Variants in NCAPD3 observed in about 807,000 individuals in gnomAD.
NCAPD3 encodes condensin-2 complex subunit D3.
A neutral mutation model predicts 182.9 loss-of-function variants in NCAPD3; 105 were observed. That is an observed-to-expected ratio of 0.57 (90% CI 0.49 to 0.68). The LOEUF (loss-of-function observed/expected upper bound fraction) is 0.68. NCAPD3 is among the 30% of genes least tolerant of loss of function. The pLI is 0.00. For synonymous variants in NCAPD3, 815 were observed against 679.9 expected, an observed-to-expected ratio of 1.20 and a Z score of -3.09; for missense variants, 1,944 against 1,837.0, an observed-to-expected ratio of 1.06 and a Z score of -1.07.
At chr11:134,177,002 A>T (rs1378197328) in intron 23 of NCAPD3, among the ~76,000 whole-genome samples, 1 of 152,252 alleles carries the variant, frequency 6.6e-6, no homozygotes, top group Non-Finnish European at 1.5e-5. Flanking sequence ...TCACTGCTTG[A>T]CAGGATGTCT....
At chr11:134,208,752 G>A in intron 7 of NCAPD3, 112 bp downstream of exon 7, 1 of 710,364 alleles carries the variant, frequency 1.4e-6, no homozygotes, top group Non-Finnish European at 2.4e-6. Flanking sequence ...TCATGAAAAT[G>A]AGCTAGTAAA....
At chr11:134,224,011 ATCACAACGTACAGAATT>A, upstream of NCAPD3, 1 of 1,505,400 alleles carries the variant, frequency 6.6e-7, no homozygotes, top group African/African-American at 1.4e-5. Flanking sequence ...CTGTGGACCA[ATCACAACGTACAGAATT>A]TCCCACTGGC....
chr11:134,201,909 AC>A (rs557946809), intron 13 of NCAPD3, among the ~76,000 whole-genome samples: 39 of 152,332 alleles, frequency 2.6e-4, no homozygotes, highest in African/African-American at 8.9e-4. Flanking sequence ...TTTCACGCTG[AC>A]CTTCTAGGCT....
chr11:134,153,277 C>A lies in NCAPD3; in HGVS notation c.4327+12G>T, dbSNP rs117140117. The A allele has an allele frequency of 0.012, 19,564 of 1,614,126 alleles. 178 individuals carry two copies. Among genetic ancestry groups the A allele is most frequent in the Middle Eastern group, 0.016 (97 of 6,062 alleles). Reference sequence around the variant, plus strand: ...GTGCATCTATCAGCCCAGAAGGACACCAAGAACTTGCCTTTGGCTGACGAC... The same window carrying A: ...GTGCATCTATCAGCCCAGAAGGACAACAAGAACTTGCCTTTGGCTGACGAC... On this transcript the variant is annotated intron_variant, in intron 33 of 34. Coordinates refer to ENST00000534548, the MANE Select transcript of NCAPD3 (RefSeq NM_015261.3).
intron 20 of NCAPD3, among the ~76,000 whole-genome samples, chr11:134,180,465 CA>C (rs5795872): frequency 0.28 from 43,058 of 151,976 alleles, 6,122 homozygotes; most frequent in East Asian, 0.37. Context: ...TACTGCCATA[CA>C]TCTTATCCCC....
Position 134,169,050 on chromosome 11 carries a change from C to T in NCAPD3, c.3106G>A (p.Gly1036Arg), listed in dbSNP as rs1044649107. 4.3e-6 allele frequency: 7 copies of T among 1,612,980 alleles called. No individual in the cohort carries two copies. The highest frequency in any genetic ancestry group is 2.2e-5 in the East Asian group (1 of 44,890). The change falls in exon 25 of 35, where the codon GGG becomes AGG. Residue 1036 changes from glycine to arginine, a missense_variant. This residue lies in a region of NCAPD3 where 1,803 missense variants were observed against 1,674.6 expected (regional missense o/e 1.08). Transcript: ENST00000534548. ...AACAGGTGAGCCAGGCAAAACTCCC[C>T]GAAGCTGCAAAGGTGAGAGAAACAA... ...IDSHPDIASF[G>R]EFCLAHLLLK...
rs147635139 is a variant in NCAPD3, at chr11:134,162,683, C to G, written c.3574-792G>C. ...TAGAGAAATAAGCAATTTAATAAAC[C>G]CAGATGTGAGCAGATGTTATGTTCA... On this transcript the variant is annotated intron_variant, in intron 27 of 34. Coordinates refer to ENST00000534548, the MANE Select transcript of NCAPD3 (RefSeq NM_015261.3). Among the ~76,000 whole-genome samples, 850 of 152,202 alleles carry G rather than the reference C, an allele frequency of 5.6e-3. 42 individuals are homozygous for G. The highest frequency in any genetic ancestry group is 0.051 in the Admixed American group (786 of 15,292).
intron 16 of NCAPD3, among the ~76,000 whole-genome samples, chr11:134,192,486 C>T (rs1379797526): frequency 1.3e-5 from 2 of 152,100 alleles, no homozygotes; most frequent in Non-Finnish European, 2.9e-5. Context: ...AAGGAAGTGA[C>T]CAAACAGGTG....
intron 19 of NCAPD3, among the ~76,000 whole-genome samples, chr11:134,182,717 A>G (rs1944323820): frequency 6.6e-6 from 1 of 152,260 alleles, no homozygotes; most frequent in South Asian, 2.1e-4. Context: ...ACAGATAACA[A>G]AAATGCCCAA....
chr11:134,215,566 CTT>C, intron 3 of NCAPD3, among the ~76,000 whole-genome samples: 1 of 152,180 alleles, frequency 6.6e-6, no homozygotes, highest in South Asian at 2.1e-4. Flanking sequence ...GAAAATAACA[CTT>C]AAGAATAAAT....
At chr11:134,158,183 C>G (rs905820571) in intron 30 of NCAPD3, 116 bp from the exon 31 acceptor site, 4 of 1,520,404 alleles carry the variant, frequency 2.6e-6, no homozygotes, top group Non-Finnish European at 3.6e-6. Context: ...CACCCTCATT[C>G]AAACCTCCCA....
chr11:134,166,732 T>A, intron 27 of NCAPD3, among the ~76,000 whole-genome samples: 1 of 112,570 alleles, frequency 8.9e-6, no homozygotes, highest in Non-Finnish European at 1.8e-5. Context: ...CACTCACTTG[T>A]GAGATGAGCT....
At position 134,186,425 on chromosome 11, in the gene NCAPD3, C is replaced by T. The variant is rs116329551; in HGVS notation, c.2046-899G>A. On this transcript the variant is annotated intron_variant, in intron 16 of 34. Transcript: ENST00000534548. ...ACAGGGTCTCACTATGTTGTCTAGACTGGTCTTGAACTTCTGGGCTCAAGC... is the reference window on the plus strand; with the variant it reads ...ACAGGGTCTCACTATGTTGTCTAGATTGGTCTTGAACTTCTGGGCTCAAGC... Among the ~76,000 whole-genome samples, 528 of 152,304 alleles carry T rather than the reference C, an allele frequency of 3.5e-3. 3 individuals are homozygous for T. Among genetic ancestry groups the T allele is most frequent in the African/African-American group, 0.012 (486 of 41,572 alleles).
At chr11:134,206,290 A>G (rs1480676845) in intron 8 of NCAPD3, among the ~76,000 whole-genome samples, 1 of 152,170 alleles carries the variant, frequency 6.6e-6, no homozygotes, top group Non-Finnish European at 1.5e-5. Flanking sequence ...AATGAAGCAG[A>G]CAAGGGAAAG....
Position 134,169,032 on chromosome 11 carries a change from G to A in NCAPD3, c.3124C>T (p.His1042Tyr). The change falls in exon 25 of 35, where the codon CAC (histidine) becomes TAC (tyrosine). Residue 1042 changes from histidine to tyrosine, a missense_variant. By Grantham distance (83) the His-to-Tyr change is moderately conservative. Coordinates refer to ENST00000534548, the MANE Select transcript of NCAPD3 (RefSeq NM_015261.3). ...ACAGGGTTCCTCTTCAGTAACAGGT[G>A]AGCCAGGCAAAACTCCCCGAAGCTG... ...IASFGEFCLA[H>Y]LLLKRNPVMF... 1 of 1,613,938 alleles carries A rather than the reference G, an allele frequency of 6.2e-7. No individual in the cohort carries two copies. Among genetic ancestry groups the A allele is most frequent in the Non-Finnish European group, 8.5e-7 (1 of 1,179,922 alleles).
intron 25 of NCAPD3, 56 bp downstream of exon 25, chr11:134,168,861 G>C (rs1044599433): frequency 8.3e-6 from 13 of 1,570,332 alleles, no homozygotes; most frequent in Middle Eastern, 1.7e-4. Flanking sequence ...AACCTCCCCT[G>C]ATTCCCCCAG....
intron 14 of NCAPD3, among the ~76,000 whole-genome samples, chr11:134,194,396 C>T (rs1448931956): frequency 6.6e-6 from 1 of 152,064 alleles, no homozygotes; most frequent in African/African-American, 2.4e-5. Context: ...AAAATCCACC[C>T]ATGGTCCCTA....
At chr11:134,207,804 T>C (rs905874136) in intron 7 of NCAPD3, among the ~76,000 whole-genome samples, 1 of 149,328 alleles carries the variant, frequency 6.7e-6, no homozygotes, top group Non-Finnish European at 1.5e-5. Context: ...AAGGGATGAA[T>C]TTTCCCACCT....
At chr11:134,210,181 G>T in intron 4 of NCAPD3, 89 bp downstream of exon 4, 7 of 1,151,954 alleles carry the variant, frequency 6.1e-6, no homozygotes, top group Non-Finnish European at 7.5e-6. Flanking sequence ...TAATCATGAT[G>T]CCTGAAACCA....
Sources: gnomAD v4.1 joint callset for allele counts (sites outside exome capture counted in the v4.1 genomes callset) on GRCh38, gnomAD v4.1.1 for gene constraint, gnomAD v4.1.1 regional missense constraint, MANE v1.5 for transcripts, NCBI Gene and HGNC (gene_info 2026-07-23, HGNC 2026-07-21) for gene names.